The following TFCP2 variants were observed in gnomAD, a reference collection of about 807,000 sequenced individuals.
TFCP2 encodes transcription factor CP2, also known as alpha-globin transcription factor CP2.
Under a neutral mutation model 73.4 loss-of-function variants are expected in TFCP2, and 33 were observed. That is an observed-to-expected ratio of 0.45 (90% CI 0.34 to 0.60). The LOEUF is 0.60. Ranked by LOEUF, TFCP2 falls within the 20% of genes least tolerant of loss-of-function variation. The pLI, the probability that TFCP2 is intolerant of heterozygous loss-of-function variation, is 0.01. For missense variants in TFCP2, 352 were observed against 604.0 expected, an observed-to-expected ratio of 0.58 and a Z score of 4.37; for synonymous variants, 193 against 211.6, an observed-to-expected ratio of 0.91 and a Z score of 0.76.
intron 1 of TFCP2, among the ~76,000 whole-genome samples, chr12:51,148,604 G>A (rs1470325861): frequency 2.0e-5 from 3 of 150,610 alleles, no homozygotes; most frequent in Non-Finnish European, 2.9e-5. Flanking sequence ...GGAGGCTGAG[G>A]CAGGAGAATC....
chr12:51,159,735 G>A (rs988752765), intron 1 of TFCP2, among the ~76,000 whole-genome samples: 4 of 151,970 alleles, frequency 2.6e-5, no homozygotes, highest in East Asian at 1.9e-4. Flanking sequence ...CAATCCTCTC[G>A]CCTCAGCCTC....
At chr12:51,125,846 C>A (rs529782851) in intron 1 of TFCP2, among the ~76,000 whole-genome samples, 2 of 152,202 alleles carry the variant, frequency 1.3e-5, no homozygotes, top group Admixed American at 1.3e-4. Context: ...GCCTGTAATC[C>A]CAGCACTTTG....
At chr12:51,105,895 C>T (rs911537179) in intron 8 of TFCP2, among the ~76,000 whole-genome samples, 2 of 152,164 alleles carry the variant, frequency 1.3e-5, no homozygotes, top group Non-Finnish European at 2.9e-5. Context: ...ATGTGAAATA[C>T]ATGTTAAATG....
rs748065303 is a variant in TFCP2 at position 51,172,330 on chromosome 12, C to G, written c.93G>C (p.Gln31His). ...DFDASLSGIG[Q>H]ELGAGAYSMS... Reference sequence around the variant, plus strand: ...TGCTATAGGCACCAGCACCCAGTTCCTGGCCGATCCCGGACAGGCTAGCAT... The same window carrying G: ...TGCTATAGGCACCAGCACCCAGTTCGTGGCCGATCCCGGACAGGCTAGCAT... Residue 31 changes from glutamine (Q) to histidine (H), a missense_variant, in exon 1 of 15, where the codon CAG becomes CAC. Coordinates refer to ENST00000257915, the MANE Select transcript of TFCP2 (RefSeq NM_005653.5). 6.2e-7 allele frequency: 1 copy of G among 1,614,164 alleles called. No individual in the cohort carries two copies. Among genetic ancestry groups the G allele is most frequent in the Non-Finnish European group, 8.5e-7 (1 of 1,180,034 alleles).
chr12:51,165,234 T>A (rs973357073), intron 1 of TFCP2, among the ~76,000 whole-genome samples: 1 of 152,064 alleles, frequency 6.6e-6, no homozygotes, highest in Non-Finnish European at 1.5e-5. Context: ...ATATCCCATA[T>A]GAATATAGAA....
rs1219417814 is a variant in TFCP2, at chr12:51,172,596, C to G, written c.-174G>C. ...ACTGCTCTGTGCACAACTAATCTCC[C>G]GTACCCTTGGCTGCTCGTTCTTGGC... is the stretch of plus-strand genomic sequence containing the variant. On this transcript the variant is annotated 5_prime_UTR_variant, in exon 1 of 15. Coordinates refer to ENST00000257915, the MANE Select transcript of TFCP2 (RefSeq NM_005653.5). 3.8e-6 allele frequency: 3 copies of G among 789,910 alleles called. No individual in the cohort carries two copies. Among genetic ancestry groups the G allele is most frequent in the African/African-American group, 3.5e-5 (2 of 57,326 alleles). The allele number at this position is 789,910 out of a possible 1,614,324, so 48.9% of individuals were successfully genotyped here.
intron 5 of TFCP2, 96 bp downstream of exon 5, chr12:51,110,781 A>G (rs1940380265): frequency 1.1e-6 from 1 of 946,136 alleles, no homozygotes; most frequent in Non-Finnish European, 1.7e-6. Context: ...AGAACCCTGT[A>G]AAGATTTCAA....
chr12:51,124,333 C>A (rs534314032), intron 1 of TFCP2, among the ~76,000 whole-genome samples: 1 of 152,216 alleles, frequency 6.6e-6, no homozygotes, highest in Admixed American at 6.5e-5. Context: ...TGAGCTCAAG[C>A]TCTTCTCTCT....
In TFCP2 at chr12:51,099,766, T is replaced by G; in HGVS notation, c.1165A>C (p.Arg389=). 1.2e-6 allele frequency: 2 copies of G among 1,614,146 alleles called. No individual in the cohort carries two copies. The highest frequency in any genetic ancestry group is 2.2e-5 in the South Asian group (2 of 91,078). ...NALKGRMVRP[R]LTIYVCQESL... ...TCCTGACAAACATAAATGGTTAACC[T>G]TGGACGCACCATCCTAAGGGGAGGA... Residue 389 remains arginine (R), a synonymous_variant, in exon 12 of 15, where the codon AGG becomes CGG. Coordinates refer to ENST00000257915, the MANE Select transcript of TFCP2 (RefSeq NM_005653.5).
In TFCP2 at chr12:51,098,807, G is replaced by A; in HGVS notation, c.1388C>T (p.Pro463Leu). The A allele has an allele frequency of 6.2e-7, 1 of 1,614,052 alleles. No homozygotes were observed. The highest frequency in any genetic ancestry group is 1.1e-5 in the South Asian group (1 of 91,072). The change falls in exon 13 of 15, where the codon CCA (proline) becomes CTA (leucine). Residue 463 changes from proline to leucine, a missense_variant. Transcript: ENST00000257915. ...CQISQIYKQGPTGIHVLISDE... is the reference protein window; with the variant it reads ...CQISQIYKQGLTGIHVLISDE... ...ACTGATGAGCACATGAATTCCTGTT[G>A]GCCCCTGCTTGTAAATCTGGCTGAT... is the stretch of plus-strand genomic sequence containing the variant.
rs117258817 is a variant in TFCP2, at chr12:51,143,066, T to C, written c.123-24294A>G. 5.1e-4 allele frequency among the ~76,000 whole-genome samples: 77 copies of C among 152,210 alleles called. No individual in the cohort carries two copies. The East Asian group carries it at 0.013, about 25-fold the overall frequency. ...AACTCCCTTGTGGCAACCCTCCCCC[T>C]CTACAAAATCTCTGGACTTGATTTT... On this transcript the variant is annotated intron_variant, in intron 1 of 14. Coordinates refer to ENST00000257915, the MANE Select transcript of TFCP2 (RefSeq NM_005653.5).
At chr12:51,099,054 T>C (rs138059878) in intron 12 of TFCP2, 136 bp from the exon 13 acceptor site, 1 of 968,306 alleles carries the variant, frequency 1.0e-6, no homozygotes, top group East Asian at 2.6e-5. Context: ...GCTCAACCAC[T>C]TGCAGCTGTG....
rs1940164944 is a variant in TFCP2, at chr12:51,103,752, TGGTAAGAGGTTCTGAAA to T, written c.967-6_977del. 6.2e-7 allele frequency: 1 copy of T among 1,613,442 alleles called. No individual in the cohort carries two copies. Among genetic ancestry groups the T allele is most frequent in the Non-Finnish European group, 8.5e-7 (1 of 1,179,818 alleles). On this transcript the variant is annotated splice_acceptor_variant and splice_polypyrimidine_tract_variant and coding_sequence_variant and intron_variant, in exon 10 of 15. Coordinates refer to ENST00000257915, the MANE Select transcript of TFCP2 (RefSeq NM_005653.5). LOFTEE classifies it high-confidence loss of function. ...GCTGAGCTTCCTGAGGTGTGGTTGT[TGGTAAGAGGTTCTGAAA>T]GGGAGAGCACGTTTTTTAGATAACC...
chr12:51,127,383 G>C (rs992936012), intron 1 of TFCP2, among the ~76,000 whole-genome samples: 1 of 152,166 alleles, frequency 6.6e-6, no homozygotes, highest in African/African-American at 2.4e-5. Flanking sequence ...GGAAAAAAGA[G>C]GGGGCTTATC....
intron 11 of TFCP2, 77 bp downstream of exon 11, chr12:51,101,858 G>C (rs1940116768): frequency 2.3e-6 from 2 of 877,842 alleles, no homozygotes; most frequent in Non-Finnish European, 3.8e-6. Context: ...TAGCTGTGTA[G>C]AGTATTGTGA....
intron 1 of TFCP2, among the ~76,000 whole-genome samples, chr12:51,128,793 AT>A (rs1940873417): frequency 6.6e-6 from 1 of 152,138 alleles, no homozygotes; most frequent in Non-Finnish European, 1.5e-5. Context: ...CCTTTGTAAC[AT>A]TTTTTTATAA....
At chr12:51,095,938 A>G in intron 14 of TFCP2, 51 bp downstream of exon 14, 1 of 1,462,684 alleles carries the variant, frequency 6.8e-7, no homozygotes, top group Non-Finnish European at 9.5e-7. Context: ...TTTGCCTAGT[A>G]GTAGTAAAGC....
chr12:51,138,928 A>G (rs2640519), intron 1 of TFCP2, among the ~76,000 whole-genome samples: 149,796 of 152,304 alleles, frequency 0.98, 73,706 homozygotes, highest in Middle Eastern at 1. Flanking sequence ...GTGAGCCACC[A>G]TGCCCGGCCA....
Position 51,098,785 on chromosome 12 carries a change from G to C in TFCP2, c.1410C>G (p.Ile470Met). The C allele has an allele frequency of 1.9e-6, 3 of 1,614,114 alleles. No homozygotes were observed. The highest frequency in any genetic ancestry group is 2.5e-6 in the Non-Finnish European group (3 of 1,180,016). ...KQGPTGIHVL[I>M]SDEMIQNFQE... ...GTACTGAAAAATCTACCTCATCACT[G>C]ATGAGCACATGAATTCCTGTTGGCC... Residue 470 changes from isoleucine (I) to methionine (M), a missense_variant, in exon 13 of 15, where the codon ATC (isoleucine) becomes ATG (methionine). By Grantham distance (10) the Ile-to-Met change is conservative. Around this residue, in one of 6 missense-constraint regions of TFCP2, gnomAD observed 194 missense variants for 256.3 expected, o/e 0.76. Coordinates refer to ENST00000257915, the MANE Select transcript of TFCP2 (RefSeq NM_005653.5).
Sources: allele counts gnomAD v4.1 joint callset (sites outside exome capture counted in the v4.1 genomes callset), GRCh38; gene constraint gnomAD v4.1.1; regional missense constraint gnomAD v4.1.1; transcripts MANE v1.5; gene names NCBI Gene and HGNC (gene_info 2026-07-23, HGNC 2026-07-21).